ABCA4: variants seen among roughly 807,000 people sequenced by gnomAD.
The protein encoded by ABCA4 is retinal-specific phospholipid-transporting ATPase ABCA4.
Under a neutral mutation model 263.7 loss-of-function variants are expected in ABCA4, and 196 were observed. The observed-to-expected ratio is 0.74, with a 90% CI of 0.66 to 0.84. ABCA4 has a LOEUF of 0.84. Among genes scored for constraint, ABCA4 ranks in the 40% least tolerant of loss-of-function variants. The pLI is 0.00. For missense variants in ABCA4, 2,792 were observed against 2,855.1 expected (o/e 0.98, Z 0.50); for synonymous variants, 1,133 against 1,094.2 (o/e 1.04, Z -0.70).
intron 22 of ABCA4, 139 bp from the exon 23 acceptor site, chr1:94,041,541 C>T: frequency 1.2e-6 from 1 of 861,604 alleles, no homozygotes; most frequent in Non-Finnish European, 1.8e-6. Flanking sequence ...GGAACTAATT[C>T]AGCAGCAAAT....
intron 1 of ABCA4, among the ~76,000 whole-genome samples, chr1:94,115,856 T>C (rs1030384913): frequency 1.3e-5 from 2 of 152,298 alleles, no homozygotes; most frequent in South Asian, 2.1e-4. Flanking sequence ...CCCTCCTTTT[T>C]GGATTCAGAA....
intron 6 of ABCA4, among the ~76,000 whole-genome samples, chr1:94,098,008 C>T (rs986560491): frequency 3.9e-5 from 6 of 152,194 alleles, no homozygotes; most frequent in South Asian, 2.1e-4. Context: ...CCGCCCGCCT[C>T]GGCCTCCCAA....
intron 32 of ABCA4, among the ~76,000 whole-genome samples, chr1:94,022,620 C>G (rs1170310723): frequency 6.6e-6 from 1 of 152,170 alleles, no homozygotes; most frequent in Non-Finnish European, 1.5e-5. Flanking sequence ...GTGGAAACAC[C>G]AGTCTGAGTG....
chr1:94,069,130 C>G (rs929724114), intron 11 of ABCA4, among the ~76,000 whole-genome samples: 9 of 152,226 alleles, frequency 5.9e-5, no homozygotes, highest in Non-Finnish European at 2.9e-5. Flanking sequence ...CAGCTGTGTT[C>G]AGGACCTCTG....
intron 24 of ABCA4, among the ~76,000 whole-genome samples, 169 bp downstream of exon 24, chr1:94,039,874 G>C (rs2101046731): frequency 6.6e-6 from 1 of 152,320 alleles, no homozygotes; most frequent in South Asian, 2.1e-4. Context: ...GGGAATGAAG[G>C]AAGAAGGAAG....
chr1:94,000,296 G>A (rs894914106), intron 47 of ABCA4, among the ~76,000 whole-genome samples: 5 of 152,184 alleles, frequency 3.3e-5, no homozygotes, highest in Non-Finnish European at 5.9e-5. Context: ...TTAATAATAA[G>A]GAATTATCTA....
chr1:94,062,627 T>C lies in ABCA4; in HGVS notation c.1887A>G (p.Pro629=). 1 of 1,613,644 alleles carries C rather than the reference T, an allele frequency of 6.2e-7. No individual in the cohort carries two copies. The highest frequency in any genetic ancestry group is 8.5e-7 in the Non-Finnish European group (1 of 1,179,758). The change falls in exon 13 of 50, where the codon CCA becomes CCG. Residue 629 remains proline (P), a synonymous_variant. Transcript: ENST00000370225. ...GCATCTGCTGGAGGTAGATTCCAAC[T>C]GGAGCCTCCGCCTGCACCTGGCTCC... ...ITRSQVQAEA[P]VGIYLQQMPY...
Position 94,112,761 on chromosome 1 carries a change from C to A in ABCA4, c.160+212G>T, listed in dbSNP as rs7524869. ...AGTGTGCCATGGTCCTAACACTGTACTCCAGCCTCGGCAACAGAGTGAGAC... is the reference window on the plus strand; with the variant it reads ...AGTGTGCCATGGTCCTAACACTGTAATCCAGCCTCGGCAACAGAGTGAGAC... On this transcript the variant is annotated intron_variant, in intron 2 of 49. Coordinates refer to ENST00000370225, the MANE Select transcript of ABCA4 (RefSeq NM_000350.3). Among the ~76,000 whole-genome samples, 34,554 of 152,196 alleles carry A rather than the reference C, an allele frequency of 0.23. 5,818 individuals carry two copies. The highest frequency in any genetic ancestry group is 0.46 in the African/African-American group (19,025 of 41,462).
Position 94,056,455 on chromosome 1 carries a change from C to G in ABCA4, c.2382+146G>C, listed in dbSNP as rs1169238182. On this transcript the variant is annotated intron_variant, in intron 15 of 49. Transcript: ENST00000370225. ...GTGAGGACTGCTCCCACTTTTGCCCCTGTACATTTTAGCCTCACGTGAACT... is the reference window on the plus strand; with the variant it reads ...GTGAGGACTGCTCCCACTTTTGCCCGTGTACATTTTAGCCTCACGTGAACT... 1.6e-5 allele frequency: 14 copies of G among 861,868 alleles called. No homozygotes were observed. In the East Asian group the frequency reaches 2.9e-4, roughly 18 times the overall value. 53.4% of individuals were successfully genotyped at this position (861,868 alleles called of 1,614,324 possible). A position where few individuals can be genotyped will look rare whatever the true frequency, so the allele number is the denominator to read the frequency against.
At chr1:94,061,124 C>T (rs1178137571) in intron 13 of ABCA4, among the ~76,000 whole-genome samples, 1 of 152,164 alleles carries the variant, frequency 6.6e-6, no homozygotes, top group Admixed American at 6.5e-5. Flanking sequence ...TACATGCTGA[C>T]ACTGAAACCC....
intron 18 of ABCA4, among the ~76,000 whole-genome samples, chr1:94,048,439 G>A (rs981448353): frequency 7.2e-5 from 11 of 152,320 alleles, no homozygotes; most frequent in East Asian, 1.9e-4. Context: ...TTTGTAAGCC[G>A]TAAGTGAAGT....
At chr1:93,993,777 T>C (rs1287927471) in intron 49 of ABCA4, among the ~76,000 whole-genome samples, 1 of 152,054 alleles carries the variant, frequency 6.6e-6, no homozygotes, top group African/African-American at 2.4e-5. Flanking sequence ...AAGATGTCCA[T>C]GTTCCTTGAG....
At chr1:94,023,948 T>C in intron 31 of ABCA4, among the ~76,000 whole-genome samples, 1 of 152,208 alleles carries the variant, frequency 6.6e-6, no homozygotes, top group East Asian at 1.9e-4. Flanking sequence ...GAACTGTCAT[T>C]GTCATCCACC....
At chr1:94,064,214 C>G (rs991532558) in intron 11 of ABCA4, among the ~76,000 whole-genome samples, 1 of 152,184 alleles carries the variant, frequency 6.6e-6, no homozygotes, top group Non-Finnish European at 1.5e-5. Flanking sequence ...GCCTGGTCGA[C>G]TCTAGGAATA....
At chr1:94,098,693 T>C (rs887778967) in intron 6 of ABCA4, 101 bp downstream of exon 6, 6 of 1,369,688 alleles carry the variant, frequency 4.4e-6, no homozygotes, top group Non-Finnish European at 6.2e-6. Context: ...GCAAGGATTG[T>C]CCAGAACACC....
At chr1:94,045,175 C>T (rs1660640721) in intron 19 of ABCA4, among the ~76,000 whole-genome samples, 1 of 152,204 alleles carries the variant, frequency 6.6e-6, no homozygotes, top group Non-Finnish European at 1.5e-5. Flanking sequence ...CATCATAAAG[C>T]CCGGGTAAGG....
chr1:94,100,061 CAT>C (rs1662249507), intron 5 of ABCA4, among the ~76,000 whole-genome samples: 1 of 152,200 alleles, frequency 6.6e-6, no homozygotes, highest in Non-Finnish European at 1.5e-5. Flanking sequence ...CACAGTCTCC[CAT>C]GACATCTAAC....
Position 94,078,580 on chromosome 1 carries a change from C to A in ABCA4, c.1356+10G>T. 5 of 1,052,784 alleles carry A rather than the reference C, an allele frequency of 4.7e-6. No homozygotes were observed. The highest frequency in any genetic ancestry group is 2.5e-5 in the South Asian group (2 of 78,576). The allele number at this position is 1,052,784 out of a possible 1,614,324, so 65.2% of individuals were successfully genotyped here. On this transcript the variant is annotated intron_variant, in intron 10 of 49. Transcript: ENST00000370225. ...CTCCCCTCCCCTCCCCATCCTCCAA[C>A]CCCCCTTACTCTGATCATGTTCATC...
At position 94,015,863 on chromosome 1, in the gene ABCA4, G is replaced by A. The variant is rs201805856; in HGVS notation, c.5197-9C>T. On this transcript the variant is annotated splice_polypyrimidine_tract_variant and intron_variant, in intron 36 of 49. Transcript: ENST00000370225. ...CTCACGGAATAATTCATCTCGGAAAGAGAAGAGGAGAGCAAGTCACTTAAC... is the reference window on the plus strand; with the variant it reads ...CTCACGGAATAATTCATCTCGGAAAAAGAAGAGGAGAGCAAGTCACTTAAC... 1.9e-6 allele frequency: 3 copies of A among 1,607,824 alleles called. No individual in the cohort carries two copies. The highest frequency in any genetic ancestry group is 1.7e-6 in the Non-Finnish European group (2 of 1,176,640).
Sources: allele counts gnomAD v4.1 joint callset (sites outside exome capture counted in the v4.1 genomes callset), GRCh38; gene constraint gnomAD v4.1.1; transcripts MANE v1.5; gene names NCBI Gene and HGNC (gene_info 2026-07-23, HGNC 2026-07-21).